PIK3R5: variants seen among roughly 807,000 people sequenced by gnomAD.
PIK3R5 encodes the protein phosphoinositide-3-kinase regulatory subunit 5.
A neutral mutation model predicts 94.9 loss-of-function variants in PIK3R5; 32 were observed. The observed-to-expected ratio is 0.34, with a 90% CI of 0.25 to 0.45. The LOEUF is 0.45. Ranked by LOEUF, PIK3R5 falls within the 20% of genes least tolerant of loss-of-function variation. The pLI, the probability that PIK3R5 is intolerant of heterozygous loss-of-function variation, is 1.00. For synonymous variants in PIK3R5, 443 were observed against 479.4 expected (o/e 0.92, Z 0.99); for missense variants, 853 against 1,144.6 (o/e 0.75, Z 3.68).
rs2090148772 is a variant in PIK3R5, at chr17:8,896,152, G to A, written c.413-2497C>T. On this transcript the variant is annotated intron_variant, in intron 5 of 18. Transcript: ENST00000447110. This position sits in a 1 kb window ranked among gnomAD's most constrained non-coding sequence, Gnocchi z 4.0. The stretch of plus-strand genomic sequence containing the variant: ...AGATTGTACTGCCGAGTCCCCATTT[G>A]CTGGTATGTGCTGTGAGGTTGGAAA... Among the ~76,000 whole-genome samples, 1 of 152,174 alleles carries A rather than the reference G, an allele frequency of 6.6e-6. No homozygotes were observed. The highest frequency in any genetic ancestry group is 1.5e-5 in the Non-Finnish European group (1 of 68,048).
chr17:8,887,498 A>G, intron 11 of PIK3R5, 23 bp downstream of exon 11: 1 of 1,591,474 alleles, frequency 6.3e-7, no homozygotes, highest in Non-Finnish European at 8.6e-7. Context: ...TTCCCCGACC[A>G]TTGGCCCAGG....
At chr17:8,944,547 G>C (rs1270240697) in intron 1 of PIK3R5, among the ~76,000 whole-genome samples, 2 of 152,196 alleles carry the variant, frequency 1.3e-5, no homozygotes, top group Non-Finnish European at 2.9e-5. Flanking sequence ...TCAGGCACTA[G>C]CATTCCATGA....
chr17:8,958,280 CAAAA>C (rs10716055), intron 1 of PIK3R5, among the ~76,000 whole-genome samples: 2 of 131,720 alleles, frequency 1.5e-5, no homozygotes, highest in Non-Finnish European at 3.3e-5. Context: ...GAGACTGTCT[CAAAA>C]AAAAAAAAAA....
intron 1 of PIK3R5, among the ~76,000 whole-genome samples, chr17:8,923,490 T>C (rs2090795184): frequency 6.6e-6 from 1 of 152,112 alleles, no homozygotes; most frequent in Non-Finnish European, 1.5e-5. Context: ...AGCTGGTAAA[T>C]GAAGTATGCT....
At chr17:8,939,868 C>A (rs1597421585) in intron 1 of PIK3R5, among the ~76,000 whole-genome samples, 1 of 152,044 alleles carries the variant, frequency 6.6e-6, no homozygotes, top group South Asian at 2.1e-4. Flanking sequence ...GAGAAGGGGT[C>A]ACCTTCCTGC....
Position 8,911,539 on chromosome 17 carries a change from C to T in PIK3R5, c.-13-32G>A, listed in dbSNP as rs781227561. On this transcript the variant is annotated intron_variant, in intron 1 of 18. Transcript: ENST00000447110. This position sits in a 1 kb window ranked among gnomAD's most constrained non-coding sequence, Gnocchi z 5.3. ...GGGGGACAGACGCCGGTCAGCTTGT[C>T]GAGCTCCTTTCCCAGAGAGCACCTG... 1.1e-5 allele frequency: 16 copies of T among 1,448,124 alleles called. No homozygotes were observed. Among genetic ancestry groups the T allele is most frequent in the African/African-American group, 5.6e-5 (4 of 71,998 alleles). The allele number at this position is 1,448,124 out of a possible 1,614,324, so 89.7% of individuals were successfully genotyped here. A position where few individuals can be genotyped will look rare whatever the true frequency, so the allele number is the denominator to read the frequency against.
rs2151398722 is a variant in PIK3R5, at chr17:8,904,427, C to T, written c.412+350G>A. Among the ~76,000 whole-genome samples, 1 of 152,334 alleles carries T rather than the reference C, an allele frequency of 6.6e-6. No individual in the cohort carries two copies. Among genetic ancestry groups the T allele is most frequent in the Non-Finnish European group, 1.5e-5 (1 of 68,036 alleles). On this transcript the variant is annotated intron_variant, in intron 5 of 18. Coordinates refer to ENST00000447110, the MANE Select transcript of PIK3R5 (RefSeq NM_001142633.3). The surrounding 1 kb of genome is among the most constrained non-coding windows in gnomAD (Gnocchi z 5.1). ...AGAACATGCAAAGCCCTCTTGTCAG[C>T]ATCCTGGGGGCTTCTCTGTCTGATC...
At position 8,888,624 on chromosome 17, in the gene PIK3R5, T is replaced by A; in HGVS notation, c.1163A>T (p.Asp388Val). The change falls in exon 10 of 19, where the codon GAC becomes GTC. Residue 388 changes from aspartate to valine, a missense_variant. Asp to Val is a radical substitution (Grantham distance 152). This residue lies in a region of PIK3R5 where 319 missense variants were observed against 339.8 expected (regional missense o/e 0.94). Transcript: ENST00000447110. This position sits in a 1 kb window ranked among gnomAD's most constrained non-coding sequence, Gnocchi z 7.8. ...CTCGCTGTCCTCCACGTAGCCGCTGTCCATGCCATCAGAGAGGCCTGAGAC... is the reference window on the plus strand; with the variant it reads ...CTCGCTGTCCTCCACGTAGCCGCTGACCATGCCATCAGAGAGGCCTGAGAC... The part of the protein sequence containing the change: ...SFVSGLSDGM[D>V]SGYVEDSEES... 6.2e-7 allele frequency: 1 copy of A among 1,613,188 alleles called. No individual in the cohort carries two copies. Among genetic ancestry groups the A allele is most frequent in the Non-Finnish European group, 8.5e-7 (1 of 1,179,642 alleles).
chr17:8,930,598 G>A (rs2090970696), intron 1 of PIK3R5, among the ~76,000 whole-genome samples: 1 of 152,092 alleles, frequency 6.6e-6, no homozygotes, highest in African/African-American at 2.4e-5. Context: ...GTTCAAAATG[G>A]CCAAAAACTG....
At chr17:8,951,415 C>T (rs182757826) in intron 1 of PIK3R5, among the ~76,000 whole-genome samples, 53 of 152,274 alleles carry the variant, frequency 3.5e-4, no homozygotes, top group Middle Eastern at 3.4e-3. Context: ...CGCCACTTCT[C>T]CCCCCAGCCT....
At chr17:8,910,557 C>T (rs1013198326) in intron 2 of PIK3R5, among the ~76,000 whole-genome samples, 1 of 152,126 alleles carries the variant, frequency 6.6e-6, no homozygotes, top group Non-Finnish European at 1.5e-5. Flanking sequence ...CAAGTAGAGC[C>T]AGGGTCCTGG....
intron 1 of PIK3R5, among the ~76,000 whole-genome samples, chr17:8,960,127 T>C (rs963094153): frequency 2.0e-5 from 3 of 152,114 alleles, no homozygotes; most frequent in South Asian, 2.1e-4. Context: ...TGCTTGCCAG[T>C]AGTGCTATCA....
intron 11 of PIK3R5, 106 bp downstream of exon 11, chr17:8,887,415 G>A: frequency 7.4e-7 from 1 of 1,351,534 alleles, no homozygotes; most frequent in Non-Finnish European, 1.0e-6. Flanking sequence ...GGCAGGGGGA[G>A]GTGCCCTGTC....
intron 1 of PIK3R5, among the ~76,000 whole-genome samples, chr17:8,959,732 C>T (rs2091527810): frequency 6.6e-6 from 1 of 152,188 alleles, no homozygotes; most frequent in Non-Finnish European, 1.5e-5. Context: ...GCACAGACTT[C>T]ATGGTTCTGG....
intron 1 of PIK3R5, among the ~76,000 whole-genome samples, chr17:8,954,253 T>G (rs1376522884): frequency 1.3e-5 from 2 of 152,250 alleles, no homozygotes; most frequent in African/African-American, 4.8e-5. Context: ...AAGGACCATA[T>G]GCAAATTAAT....
Position 8,909,751 on chromosome 17 carries a change from G to A in PIK3R5, c.104-577C>T, listed in dbSNP as rs913514057. Among the ~76,000 whole-genome samples, 3 of 152,230 alleles carry A rather than the reference G, an allele frequency of 2.0e-5. No individual in the cohort carries two copies. The highest frequency in any genetic ancestry group is 4.4e-5 in the Non-Finnish European group (3 of 68,052). ...TGGGAAGCCCTTTAGAGGACAATGA[G>A]CTCACTATGACTCCGCTCCCTGTGG... On this transcript the variant is annotated intron_variant, in intron 2 of 18. Coordinates refer to ENST00000447110, the MANE Select transcript of PIK3R5 (RefSeq NM_001142633.3). The surrounding 1 kb of genome is among the most constrained non-coding windows in gnomAD (Gnocchi z 4.3).
rs1397638230 is a variant in PIK3R5 at position 8,909,557 on chromosome 17, G to A, written c.104-383C>T. ...CCGCCTCGGACTCCCAAAGTGCTGG[G>A]ATTATAGGCGTGAGCCACTGCACCC... On this transcript the variant is annotated intron_variant, in intron 2 of 18. Coordinates refer to ENST00000447110, the MANE Select transcript of PIK3R5 (RefSeq NM_001142633.3). This position sits in a 1 kb window ranked among gnomAD's most constrained non-coding sequence, Gnocchi z 4.3. Among the ~76,000 whole-genome samples the A allele has an allele frequency of 1.3e-5, 2 of 152,232 alleles. No homozygotes were observed. Among genetic ancestry groups the A allele is most frequent in the African/African-American group, 4.8e-5 (2 of 41,462 alleles).
In PIK3R5 at chr17:8,881,073, CCT is replaced by C. The variant is rs1396708186; in HGVS notation, c.2383-58_2383-57del. The stretch of plus-strand genomic sequence containing the variant: ...CCCTGGCCATCCAACACTGCCAGCC[CCT>C]GGCAGTTCCTTTTCTCAGAACTGCC... On this transcript the variant is annotated intron_variant, in intron 17 of 18. Transcript: ENST00000447110. This position sits in a 1 kb window ranked among gnomAD's most constrained non-coding sequence, Gnocchi z 4.8. The C allele has an allele frequency of 1.8e-5, 23 of 1,265,408 alleles. No individual in the cohort carries two copies. Among genetic ancestry groups the C allele is most frequent in the Non-Finnish European group, 2.6e-5 (22 of 862,250 alleles). 78.4% of individuals were successfully genotyped at this position (1,265,408 alleles called of 1,614,324 possible). A position where few individuals can be genotyped will look rare whatever the true frequency, so the allele number is the denominator to read the frequency against.
chr17:8,939,663 G>A (rs377620911), intron 1 of PIK3R5, among the ~76,000 whole-genome samples: 20 of 152,168 alleles, frequency 1.3e-4, no homozygotes, highest in African/African-American at 4.1e-4. Context: ...TTTTGCCTAC[G>A]TTCAAATGCG....
Sources: gnomAD v4.1 joint callset for allele counts (sites outside exome capture counted in the v4.1 genomes callset) on GRCh38, gnomAD v4.1.1 for gene constraint, gnomAD v4.1.1 regional missense constraint, Gnocchi (gnomAD v3.1) non-coding constraint, MANE v1.5 for transcripts, NCBI Gene and HGNC (gene_info 2026-07-23, HGNC 2026-07-21) for gene names.